ADGRL3: variants seen among roughly 807,000 people sequenced by gnomAD.
The protein encoded by ADGRL3 is calcium-independent alpha-latrotoxin receptor 3.
A neutral mutation model predicts 153.5 loss-of-function variants in ADGRL3; 62 were observed. The ratio of observed to expected loss-of-function variants is 0.40; its 90% confidence interval spans 0.33 to 0.50. The LOEUF (loss-of-function observed/expected upper bound fraction) is 0.50. Among genes scored for constraint, ADGRL3 ranks in the 20% least tolerant of loss-of-function variants. ADGRL3 has a pLI of 0.47. For missense variants in ADGRL3, 1,641 were observed against 1,859.4 expected, an observed-to-expected ratio of 0.88 and a Z score of 2.16; for synonymous variants, 710 against 672.5, an observed-to-expected ratio of 1.06 and a Z score of -0.86.
intron 6 of ADGRL3, among the ~76,000 whole-genome samples, chr4:61,721,244 C>T (rs921963629): frequency 1.3e-5 from 2 of 152,092 alleles, no homozygotes; most frequent in Non-Finnish European, 2.9e-5. Context: ...AATAGGCTGC[C>T]TGCAAACTGA....
intron 2 of ADGRL3, among the ~76,000 whole-genome samples, chr4:61,460,427 T>G (rs1041877271): frequency 3.9e-5 from 6 of 152,172 alleles, no homozygotes; most frequent in East Asian, 1.9e-4. Flanking sequence ...TTTATTATAT[T>G]AAGTGAAATA....
intron 25 of ADGRL3, chr4:62,063,669 A>G: frequency 1.6e-6 from 1 of 643,680 alleles, no homozygotes; most frequent in South Asian, 1.8e-5. Flanking sequence ...TTCAAGTGAG[A>G]GTCCCATTTT....
At chr4:61,443,692 T>G (rs1450084644) in intron 2 of ADGRL3, among the ~76,000 whole-genome samples, 1 of 152,188 alleles carries the variant, frequency 6.6e-6, no homozygotes, top group Non-Finnish European at 1.5e-5. Flanking sequence ...TGGCTCTCTA[T>G]ACTCATTTTA....
intron 17 of ADGRL3, among the ~76,000 whole-genome samples, chr4:61,976,310 A>G (rs998918677): frequency 2.0e-5 from 3 of 152,030 alleles, no homozygotes; most frequent in African/African-American, 7.2e-5. Flanking sequence ...TCTTGAAAGG[A>G]GTTTGCTTTT....
intron 5 of ADGRL3, among the ~76,000 whole-genome samples, chr4:61,660,080 C>A (rs1015410651): frequency 6.6e-6 from 1 of 152,066 alleles, no homozygotes; most frequent in Non-Finnish European, 1.5e-5. Context: ...AAACACGATG[C>A]TATAGAGGCT....
intron 6 of ADGRL3, among the ~76,000 whole-genome samples, chr4:61,690,100 G>A (rs1043871588): frequency 2.0e-5 from 3 of 152,058 alleles, no homozygotes; most frequent in Non-Finnish European, 2.9e-5. Flanking sequence ...TTTTAAAGAA[G>A]TTTGAAATGT....
At chr4:61,565,856 T>C (rs1440629721) in intron 4 of ADGRL3, among the ~76,000 whole-genome samples, 1 of 152,168 alleles carries the variant, frequency 6.6e-6, no homozygotes, top group Non-Finnish European at 1.5e-5. Flanking sequence ...GCATCTATTA[T>C]ATAGATTAGC....
chr4:61,798,052 T>C (rs1205837669), intron 8 of ADGRL3, among the ~76,000 whole-genome samples: 1 of 152,162 alleles, frequency 6.6e-6, no homozygotes, highest in Non-Finnish European at 1.5e-5. Context: ...TTAGAAAAGG[T>C]ATCTTGATCT....
In ADGRL3 at chr4:61,897,618, A is replaced by C. The variant is rs556246888; in HGVS notation, c.1887+1784A>C. Among the ~76,000 whole-genome samples, 3 of 152,308 alleles carry C rather than the reference A, an allele frequency of 2.0e-5. No homozygotes were observed. The East Asian group carries it at 5.8e-4, about 29-fold the overall frequency. On this transcript the variant is annotated intron_variant, in intron 11 of 26. Coordinates refer to ENST00000683033, the MANE Select transcript of ADGRL3 (RefSeq NM_001387552.1). ...CATTGACTATAAATGATAGTTGAGC[A>C]GGTTTCTTTACCACAAAACTCTAAC...
chr4:61,806,169 C>A (rs2097550438), intron 8 of ADGRL3, among the ~76,000 whole-genome samples: 1 of 152,076 alleles, frequency 6.6e-6, no homozygotes, highest in South Asian at 2.1e-4. Flanking sequence ...GTACTTCCAA[C>A]CCTCGTGGAG....
chr4:61,233,686 T>G (rs545926973), intron 1 of ADGRL3, among the ~76,000 whole-genome samples: 1 of 151,760 alleles, frequency 6.6e-6, no homozygotes, highest in Admixed American at 6.6e-5. Flanking sequence ...GAAATAAAAG[T>G]GGTGTGTGTG....
chr4:61,658,167 C>T (rs1216001912), intron 5 of ADGRL3, among the ~76,000 whole-genome samples: 1 of 152,136 alleles, frequency 6.6e-6, no homozygotes, highest in Non-Finnish European at 1.5e-5. Flanking sequence ...CTTTTAACTC[C>T]TGACATTTCA....
At chr4:61,544,046 G>C (rs567981242) in intron 4 of ADGRL3, among the ~76,000 whole-genome samples, 1 of 152,126 alleles carries the variant, frequency 6.6e-6, no homozygotes, top group Non-Finnish European at 1.5e-5. Flanking sequence ...TAAAAACAAC[G>C]TGACAAGCGT....
intron 1 of ADGRL3, among the ~76,000 whole-genome samples, chr4:61,301,339 T>G (rs2094575402): frequency 6.6e-6 from 1 of 152,206 alleles, no homozygotes; most frequent in African/African-American, 2.4e-5. Flanking sequence ...GAATTTAAAA[T>G]ATCACTTTAA....
chr4:61,722,867 A>G (rs2096265129), intron 6 of ADGRL3, among the ~76,000 whole-genome samples: 1 of 152,198 alleles, frequency 6.6e-6, no homozygotes, highest in Non-Finnish European at 1.5e-5. Flanking sequence ...CATCTAACAT[A>G]CTTTCAGCCT....
chr4:61,890,336 CTTCCCTATCTTAGT>C (rs1306438669), intron 9 of ADGRL3, among the ~76,000 whole-genome samples: 4 of 152,204 alleles, frequency 2.6e-5, no homozygotes, highest in African/African-American at 9.7e-5. Context: ...TGCCTTACTA[CTTCCCTATCTTAGT>C]TCATTTTCTA....
chr4:61,867,556 A>C (rs1581214747), intron 9 of ADGRL3, among the ~76,000 whole-genome samples: 1 of 142,270 alleles, frequency 7.0e-6, no homozygotes, highest in East Asian at 2.1e-4. Context: ...AGGAGAGAAA[A>C]GATTTCTTAC....
intron 1 of ADGRL3, among the ~76,000 whole-genome samples, chr4:61,230,131 G>A (rs1405624883): frequency 6.6e-6 from 1 of 152,096 alleles, no homozygotes; most frequent in African/African-American, 2.4e-5. Flanking sequence ...TTTAAAAGAA[G>A]CACATCATGA....
intron 17 of ADGRL3, among the ~76,000 whole-genome samples, chr4:61,977,280 C>T (rs1189503268): frequency 1.3e-5 from 2 of 151,186 alleles, no homozygotes; most frequent in African/African-American, 2.4e-5. Flanking sequence ...GTTATACCTG[C>T]CATTTTTCCA....
Sources: allele counts gnomAD v4.1 joint callset (sites outside exome capture counted in the v4.1 genomes callset), GRCh38; gene constraint gnomAD v4.1.1; transcripts MANE v1.5; gene names NCBI Gene and HGNC (gene_info 2026-07-23, HGNC 2026-07-21).